The following PARD6G variants were observed in gnomAD, a reference collection of about 807,000 sequenced individuals.
PARD6G encodes par-6 family cell polarity regulator gamma.
In PARD6G, 7 loss-of-function variants were observed where a neutral mutation model predicts 10.7. That is an observed-to-expected ratio of 0.66 (90% CI 0.37 to 1.23). PARD6G has a LOEUF of 1.23. PARD6G is among the 50% of genes most tolerant of loss of function. PARD6G has a pLI of 0.02. For missense variants in PARD6G, 548 were observed against 571.8 expected, an observed-to-expected ratio of 0.96 and a Z score of 0.42; for synonymous variants, 287 against 269.4, an observed-to-expected ratio of 1.07 and a Z score of -0.64.
rs770110869 is a variant in PARD6G at position 80,182,155 on chromosome 18, G to A, written c.295+20555C>T. Among the ~76,000 whole-genome samples the A allele has an allele frequency of 2.6e-5, 4 of 152,162 alleles. No homozygotes were observed. Among genetic ancestry groups the A allele is most frequent in the Non-Finnish European group, 2.9e-5 (2 of 68,034 alleles). On this transcript the variant is annotated intron_variant, in intron 2 of 2. Coordinates refer to ENST00000353265, the MANE Select transcript of PARD6G (RefSeq NM_032510.4). This position sits in a 1 kb window ranked among gnomAD's most constrained non-coding sequence, Gnocchi z 4.5. ...GGGCCCCTCCCACTTCCACAACTGC[G>A]ACCTTGTCTTTGACCTTGAACTTCT... is the stretch of plus-strand genomic sequence containing the variant.
intron 1 of PARD6G, among the ~76,000 whole-genome samples, chr18:80,230,655 AG>A (rs1967347990): frequency 6.6e-6 from 1 of 152,210 alleles, no homozygotes; most frequent in Admixed American, 6.5e-5. Flanking sequence ...GTCCCTGCAG[AG>A]GGCCTGCCAT....
In PARD6G at chr18:80,159,759, CCT is replaced by C; in HGVS notation, c.*10_*11del. On this transcript the variant is annotated 3_prime_UTR_variant, in exon 3 of 3. Coordinates refer to ENST00000353265, the MANE Select transcript of PARD6G (RefSeq NM_032510.4). Reference sequence around the variant, plus strand: ...GGGAACTGGAGCTAGGATTTGGGGGCCTCTCGGGAGTCTAGAGCGTGACCGCG... The same window carrying C: ...GGGAACTGGAGCTAGGATTTGGGGGCCTCGGGAGTCTAGAGCGTGACCGCG... 2 of 1,392,646 alleles carry C rather than the reference CCT, an allele frequency of 1.4e-6. No homozygotes were observed. Among genetic ancestry groups the C allele is most frequent in the Non-Finnish European group, 1.9e-6 (2 of 1,074,986 alleles). 86.3% of individuals were successfully genotyped at this position (1,392,646 alleles called of 1,614,324 possible).
At position 80,174,272 on chromosome 18, in the gene PARD6G, A is replaced by T. The variant is rs567006525; in HGVS notation, c.296-13666T>A. 3.9e-5 allele frequency among the ~76,000 whole-genome samples: 6 copies of T among 152,190 alleles called. No individual in the cohort carries two copies. The East Asian group carries it at 1.2e-3, about 30-fold the overall frequency. On this transcript the variant is annotated intron_variant, in intron 2 of 2. Coordinates refer to ENST00000353265, the MANE Select transcript of PARD6G (RefSeq NM_032510.4). ...TCAGGAAAGTCCCAGAGGCTCCATA[A>T]AACCTTCCCACCTATTTCCTCCTTG...
intron 2 of PARD6G, among the ~76,000 whole-genome samples, chr18:80,167,036 G>A (rs1234840917): frequency 1.3e-5 from 2 of 152,120 alleles, no homozygotes; most frequent in South Asian, 2.1e-4. Flanking sequence ...TCACCGTATG[G>A]AATAATTACC....
rs921401289 is a variant in PARD6G, at chr18:80,183,748, A to C, written c.295+18962T>G. On this transcript the variant is annotated intron_variant, in intron 2 of 2. Coordinates refer to ENST00000353265, the MANE Select transcript of PARD6G (RefSeq NM_032510.4). This position sits in a 1 kb window ranked among gnomAD's most constrained non-coding sequence, Gnocchi z 4.5. ...ATCAAAACCAGCCCTAACAATTTTT[A>C]TACAACTTTTAAATAAAAACAGTGG... The C allele has an allele frequency of 6.6e-6, 1 of 152,276 alleles. No individual in the cohort carries two copies. 9.4% of individuals were successfully genotyped at this position (152,276 alleles called of 1,614,324 possible). A position where few individuals can be genotyped will look rare whatever the true frequency, so the allele number is the denominator to read the frequency against.
At chr18:80,204,682 C>T (rs899664610) in intron 1 of PARD6G, among the ~76,000 whole-genome samples, 10 of 151,900 alleles carry the variant, frequency 6.6e-5, no homozygotes, top group Admixed American at 6.5e-4. Context: ...GGCATGGTGG[C>T]TCACGCCTGT....
intron 1 of PARD6G, among the ~76,000 whole-genome samples, chr18:80,232,164 G>A (rs1298129125): frequency 6.6e-6 from 1 of 152,114 alleles, no homozygotes; most frequent in Non-Finnish European, 1.5e-5. Flanking sequence ...AAGAGTGGTA[G>A]GTTCTGCCCC....
intron 1 of PARD6G, among the ~76,000 whole-genome samples, chr18:80,206,651 G>A (rs190851189): frequency 2.5e-3 from 388 of 152,344 alleles, no homozygotes; most frequent in Non-Finnish European, 4.5e-3. Flanking sequence ...GCTGTGCTTA[G>A]GGGCCTTCAC....
chr18:80,227,505 A>G (rs183974948), intron 1 of PARD6G, among the ~76,000 whole-genome samples: 71 of 152,342 alleles, frequency 4.7e-4, no homozygotes, highest in African/African-American at 1.7e-3. Context: ...GCAATGTTTC[A>G]AATACTTGCA....
chr18:80,230,622 T>G (rs566826955), intron 1 of PARD6G, among the ~76,000 whole-genome samples: 1 of 152,290 alleles, frequency 6.6e-6, no homozygotes, highest in Admixed American at 6.5e-5. Context: ...CACTGTACCC[T>G]GTGGCCCCTC....
intron 2 of PARD6G, among the ~76,000 whole-genome samples, chr18:80,186,308 CAT>C (rs2052876979): frequency 6.9e-6 from 1 of 144,790 alleles, no homozygotes; most frequent in South Asian, 2.3e-4. Context: ...GTCATGCACA[CAT>C]GCACCCTCAC....
At chr18:80,210,833 G>A (rs1025913230) in intron 1 of PARD6G, among the ~76,000 whole-genome samples, 8 of 152,066 alleles carry the variant, frequency 5.3e-5, no homozygotes, top group Non-Finnish European at 8.8e-5. Flanking sequence ...CTAAAACCAC[G>A]GAAAGTGGGG....
intron 2 of PARD6G, among the ~76,000 whole-genome samples, chr18:80,174,781 C>T (rs987749046): frequency 1.2e-4 from 18 of 152,134 alleles, no homozygotes; most frequent in Admixed American, 3.3e-4. Context: ...GGTGAAACCC[C>T]GTCTCTACTA....
At chr18:80,217,257 A>C (rs1967178660) in intron 1 of PARD6G, among the ~76,000 whole-genome samples, 1 of 152,228 alleles carries the variant, frequency 6.6e-6, no homozygotes, top group Non-Finnish European at 1.5e-5. Context: ...AATGATGTAA[A>C]TGACTGAGTA....
intron 1 of PARD6G, among the ~76,000 whole-genome samples, chr18:80,226,462 C>T (rs12373373): frequency 0.26 from 40,008 of 152,052 alleles, 6,787 homozygotes; most frequent in Non-Finnish European, 0.39. Flanking sequence ...TGAGACTTAG[C>T]TTTTAATGTG....
chr18:80,205,964 G>A (rs865967971), intron 1 of PARD6G, among the ~76,000 whole-genome samples: 1 of 152,302 alleles, frequency 6.6e-6, no homozygotes, highest in South Asian at 2.1e-4. Context: ...ACCGCAAAGG[G>A]ATACAGCTCA....
chr18:80,176,412 C>T (rs1246674609), intron 2 of PARD6G, among the ~76,000 whole-genome samples: 2 of 152,130 alleles, frequency 1.3e-5, no homozygotes, highest in Non-Finnish European at 2.9e-5. Flanking sequence ...AACTCCAGAC[C>T]TAATGCCCAA....
At position 80,201,656 on chromosome 18, in the gene PARD6G, T is replaced by C. The variant is rs1967008010; in HGVS notation, c.295+1054A>G. Among the ~76,000 whole-genome samples the C allele has an allele frequency of 6.6e-6, 1 of 152,128 alleles. No homozygotes were observed. The highest frequency in any genetic ancestry group is 6.5e-5 in the Admixed American group (1 of 15,280). ...CTGCCGTTCCCTTCATCACCACAAA[T>C]GGGAATAACAGCCATAGCTAGTATT... On this transcript the variant is annotated intron_variant, in intron 2 of 2. Coordinates refer to ENST00000353265, the MANE Select transcript of PARD6G (RefSeq NM_032510.4). This position sits in a 1 kb window ranked among gnomAD's most constrained non-coding sequence, Gnocchi z 5.9.
chr18:80,177,536 G>A (rs577987909), intron 2 of PARD6G, among the ~76,000 whole-genome samples: 1 of 120,632 alleles, frequency 8.3e-6, no homozygotes, highest in African/African-American at 3.3e-5. Context: ...ACACATGCAC[G>A]CGGGCACACA....
Sources: gnomAD v4.1 joint callset for allele counts (sites outside exome capture counted in the v4.1 genomes callset) on GRCh38, gnomAD v4.1.1 for gene constraint, Gnocchi (gnomAD v3.1) non-coding constraint, MANE v1.5 for transcripts, NCBI Gene and HGNC (gene_info 2026-07-23, HGNC 2026-07-21) for gene names.